The following CFAP58 variants were observed in gnomAD, a reference collection of about 807,000 sequenced individuals.
CFAP58 encodes cilia and flagella associated protein 58.
Under a neutral mutation model 119.5 loss-of-function variants are expected in CFAP58, and 88 were observed. The ratio of observed to expected loss-of-function variants is 0.74; its 90% CI spans 0.62 to 0.88. The LOEUF is 0.88. Among genes scored for constraint, CFAP58 ranks in the 40% least tolerant of loss-of-function variants. CFAP58 has a pLI of 0.00. For missense variants in CFAP58, 990 were observed against 1,021.2 expected, an observed-to-expected ratio of 0.97 and a Z score of 0.42; for synonymous variants, 365 against 366.3, an observed-to-expected ratio of 1.00 and a Z score of 0.04.
chr10:104,376,736 G>T, intron 7 of CFAP58, 75 bp from the exon 8 acceptor site: 1 of 1,164,900 alleles, frequency 8.6e-7, no homozygotes, highest in Non-Finnish European at 1.3e-6. Flanking sequence ...AGCAGTTTTT[G>T]TATCACTTCG....
chr10:104,377,123 C>T (rs2011689118), intron 8 of CFAP58, among the ~76,000 whole-genome samples: 1 of 152,206 alleles, frequency 6.6e-6, no homozygotes, highest in Non-Finnish European at 1.5e-5. Context: ...GGAGAATTAG[C>T]ATATAAGCCA....
At position 104,443,342 on chromosome 10, in the gene CFAP58, T is replaced by A. The variant is rs148685464; in HGVS notation, c.2257-4356T>A. On this transcript the variant is annotated intron_variant, in intron 15 of 17. Coordinates refer to ENST00000369704, the MANE Select transcript of CFAP58 (RefSeq NM_001008723.2). ...ATGGAATCTCTTTCCTTGGAGTTCT[T>A]GGCACTCAAGCATCTGAGTGGGTAG... Among the ~76,000 whole-genome samples, 24 of 152,312 alleles carry A rather than the reference T, an allele frequency of 1.6e-4. 1 individual carries two copies. The East Asian group carries it at 4.4e-3, about 28-fold the overall frequency.
intron 4 of CFAP58, among the ~76,000 whole-genome samples, 178 bp from the exon 5 acceptor site, chr10:104,365,636 G>T (rs1226295159): frequency 1.3e-5 from 2 of 152,104 alleles, no homozygotes; most frequent in Admixed American, 6.6e-5. Context: ...AAACAGTATA[G>T]AATATTCCTG....
chr10:104,361,015 G>C lies in CFAP58; in HGVS notation c.292-1008G>C, dbSNP rs556890117. On this transcript the variant is annotated intron_variant, in intron 2 of 17. Transcript: ENST00000369704. Reference sequence around the variant, plus strand: ...ATCACAAGGACAGTACCAAGAGGATGGTGCTAAACCATTCATGAGAAATCC... The same window carrying C: ...ATCACAAGGACAGTACCAAGAGGATCGTGCTAAACCATTCATGAGAAATCC... Among the ~76,000 whole-genome samples, 4 of 152,232 alleles carry C rather than the reference G, an allele frequency of 2.6e-5. No individual in the cohort carries two copies. In the South Asian group the frequency reaches 8.3e-4, roughly 32 times the overall value.
chr10:104,353,902 C>CT lies in CFAP58; in HGVS notation c.6dup (p.Glu3Ter). 1 of 1,613,652 alleles carries CT rather than the reference C, an allele frequency of 6.2e-7. No homozygotes were observed. The highest frequency in any genetic ancestry group is 8.5e-7 in the Non-Finnish European group (1 of 1,179,598). On this transcript the variant is annotated frameshift_variant, in exon 1 of 18. Coordinates refer to ENST00000369704, the MANE Select transcript of CFAP58 (RefSeq NM_001008723.2). LOFTEE classifies it high-confidence loss of function. The stretch of plus-strand genomic sequence containing the variant: ...CCGCCCCCAGAGAGCATCAGGATGG[C>CT]TGAGGTCAGGAGTCAGCGCCCCTCT...
At chr10:104,347,235 C>G in the CFAP58 span, among the ~76,000 whole-genome samples, 2 of 152,074 alleles carry the variant, frequency 1.3e-5, no homozygotes, top group Admixed American at 1.3e-4. Context: ...TGGTGCCTGA[C>G]CTTTCAGTCT....
chr10:104,454,520 T>C lies in CFAP58; in HGVS notation c.2609T>C (p.Met870Thr). Residue 870 changes from methionine to threonine, a missense_variant, in exon 18 of 18, where the codon ATG becomes ACG. By Grantham distance (81) the Met-to-Thr change is moderately conservative (BLOSUM62 -1). Transcript: ENST00000369704. ...GGATTTCCTCTCAGGTCAACCAAAATGACGTTCTAACCTGAAGCTGCTGGC... is the reference window on the plus strand; with the variant it reads ...GGATTTCCTCTCAGGTCAACCAAAACGACGTTCTAACCTGAAGCTGCTGGC... Reference protein sequence around the residue: ...GGGFPLRSTKMTF With the variant: ...GGGFPLRSTKTTF 6.2e-7 allele frequency: 1 copy of C among 1,613,086 alleles called. No homozygotes were observed. The highest frequency in any genetic ancestry group is 8.5e-7 in the Non-Finnish European group (1 of 1,179,140).
At chr10:104,407,669 G>A (rs2012387019) in intron 15 of CFAP58, among the ~76,000 whole-genome samples, 1 of 152,054 alleles carries the variant, frequency 6.6e-6, no homozygotes, top group Non-Finnish European at 1.5e-5. Flanking sequence ...AATTATTCAT[G>A]TTACTTTGGA....
chr10:104,423,234 G>A (rs2012689307), intron 15 of CFAP58, among the ~76,000 whole-genome samples: 1 of 152,084 alleles, frequency 6.6e-6, no homozygotes. Context: ...CCATGCATTT[G>A]GAAACATGAT....
At chr10:104,394,737 T>A (rs1023410730) in intron 11 of CFAP58, among the ~76,000 whole-genome samples, 3 of 152,258 alleles carry the variant, frequency 2.0e-5, no homozygotes, top group African/African-American at 7.2e-5. Context: ...GATTCTGCAT[T>A]GTTTTTTATA....
the CFAP58 span, among the ~76,000 whole-genome samples, chr10:104,344,692 A>G: frequency 6.6e-6 from 1 of 152,064 alleles, no homozygotes; most frequent in South Asian, 2.1e-4. Flanking sequence ...GCTGTCCTAG[A>G]GGTTTAAATT....
chr10:104,370,895 G>T lies in CFAP58; in HGVS notation c.931G>T (p.Ala311Ser). Residue 311 changes from alanine (A) to serine (S), a missense_variant and splice_region_variant, in exon 7 of 18, where the codon GCC becomes TCC. Coordinates refer to ENST00000369704, the MANE Select transcript of CFAP58 (RefSeq NM_001008723.2). ...ENQQKALELKAKEEEVHQMRL... is the reference protein window; with the variant it reads ...ENQQKALELKSKEEEVHQMRL... ...ATTAATTCTTTCTCACTAATTACAG[G>T]CCAAAGAGGAAGAAGTCCATCAAAT... is the stretch of plus-strand genomic sequence containing the variant. 1 of 1,610,366 alleles carries T rather than the reference G, an allele frequency of 6.2e-7. No homozygotes were observed. Among genetic ancestry groups the T allele is most frequent in the Non-Finnish European group, 8.5e-7 (1 of 1,178,880 alleles).
At chr10:104,393,276 A>AG in intron 10 of CFAP58, 53 bp from the exon 11 acceptor site, 3 of 1,532,500 alleles carry the variant, frequency 2.0e-6, no homozygotes, top group Non-Finnish European at 2.7e-6. Context: ...GAACTTCCAT[A>AG]GGGACGATGA....
chr10:104,356,319 T>C (rs114684195), intron 1 of CFAP58, among the ~76,000 whole-genome samples: 1,767 of 152,330 alleles, frequency 0.012, 45 homozygotes, highest in African/African-American at 0.041. Context: ...TTTTTCCATA[T>C]TGGGCAAGAC....
rs576665289 is a variant in CFAP58, at chr10:104,370,958, C to T, written c.994C>T (p.Gln332Ter). 1 of 1,613,566 alleles carries T rather than the reference C, an allele frequency of 6.2e-7. No homozygotes were observed. The highest frequency in any genetic ancestry group is 8.5e-7 in the Non-Finnish European group (1 of 1,179,842). Residue 332 changes from glutamine to a stop codon, truncating the protein, a stop_gained, in exon 7 of 18, where the codon CAA (glutamine) becomes TAA (stop). Transcript: ENST00000369704. LOFTEE classifies it high-confidence loss of function. ...DIGKLNKIRE[Q>*]IHKKLHHTED... Reference sequence around the variant, plus strand: ...CGGGAAGCTCAACAAAATCAGAGAACAAATTCATAAGAAATTGCACCACAC... The same window carrying T: ...CGGGAAGCTCAACAAAATCAGAGAATAAATTCATAAGAAATTGCACCACAC...
intron 15 of CFAP58, among the ~76,000 whole-genome samples, chr10:104,437,461 G>A (rs752904783): frequency 2.6e-5 from 4 of 152,136 alleles, no homozygotes; most frequent in Non-Finnish European, 2.9e-5. Context: ...TCATTGGTCC[G>A]TTTCAGTAGA....
intron 15 of CFAP58, among the ~76,000 whole-genome samples, chr10:104,412,445 G>C (rs1026670374): frequency 1.3e-5 from 2 of 151,996 alleles, no homozygotes; most frequent in Non-Finnish European, 2.9e-5. Flanking sequence ...GGGCTCTCCT[G>C]TGCCTGCTGT....
At chr10:104,347,440 A>G in the CFAP58 span, among the ~76,000 whole-genome samples, 1 of 152,170 alleles carries the variant, frequency 6.6e-6, no homozygotes, top group Admixed American at 6.5e-5. Flanking sequence ...GCCAGTGGGG[A>G]CTCTGCTCTG....
intron 15 of CFAP58, among the ~76,000 whole-genome samples, chr10:104,423,853 G>GT (rs2012700055): frequency 6.6e-6 from 1 of 152,166 alleles, no homozygotes; most frequent in Non-Finnish European, 1.5e-5. Flanking sequence ...TATCTCCTCT[G>GT]TTGGTGTTTT....
Sources: allele counts gnomAD v4.1 joint callset (sites outside exome capture counted in the v4.1 genomes callset), GRCh38; gene constraint gnomAD v4.1.1; transcripts MANE v1.5; gene names NCBI Gene and HGNC (gene_info 2026-07-23, HGNC 2026-07-21).